TBC1D22A: variants seen among roughly 807,000 people sequenced by gnomAD.
TBC1D22A encodes TBC1 domain family member 22A.
A neutral mutation model predicts 60.2 loss-of-function variants in TBC1D22A; 38 were observed. The observed-to-expected ratio is 0.63, with a 90% CI of 0.49 to 0.83. The LOEUF (loss-of-function observed/expected upper bound fraction) is 0.83, where lower values mean the gene tolerates loss of function less well. TBC1D22A is among the 40% of genes least tolerant of loss of function. The pLI is 0.00. For synonymous variants in TBC1D22A, 302 were observed against 281.7 expected (o/e 1.07, Z -0.72); for missense variants, 628 against 701.0 (o/e 0.90, Z 1.18).
At chr22:47,086,123 G>A (rs2064672692) in intron 11 of TBC1D22A, among the ~76,000 whole-genome samples, 1 of 152,188 alleles carries the variant, frequency 6.6e-6, no homozygotes, top group South Asian at 2.1e-4. Context: ...GCTCTTCTGG[G>A]AGCGCTGTGG....
chr22:46,815,113 G>A (rs2085538929), intron 4 of TBC1D22A, among the ~76,000 whole-genome samples: 1 of 152,338 alleles, frequency 6.6e-6, no homozygotes, highest in East Asian at 1.9e-4. Flanking sequence ...GGGTGTTTAA[G>A]TTGTTTCCAG....
chr22:46,980,790 T>A (rs2074484912), intron 9 of TBC1D22A, among the ~76,000 whole-genome samples: 1 of 152,136 alleles, frequency 6.6e-6, no homozygotes, highest in South Asian at 2.1e-4. Flanking sequence ...CTAATAAATC[T>A]CCAGAAAGAT....
chr22:47,066,453 A>G (rs900061483), intron 11 of TBC1D22A, among the ~76,000 whole-genome samples: 1 of 152,160 alleles, frequency 6.6e-6, no homozygotes, highest in African/African-American at 2.4e-5. Flanking sequence ...CCAAGGGTGC[A>G]CAGTATATCA....
chr22:46,913,253 T>G (rs1176051584), intron 8 of TBC1D22A: 3 of 1,096,322 alleles, frequency 2.7e-6, no homozygotes, highest in Non-Finnish European at 3.7e-6. Context: ...AGTCACAGCA[T>G]TTTAATTTAA....
intron 4 of TBC1D22A, among the ~76,000 whole-genome samples, chr22:46,826,756 A>C (rs776730078): frequency 1.3e-5 from 2 of 152,122 alleles, no homozygotes; most frequent in Non-Finnish European, 2.9e-5. Flanking sequence ...TGAGGACATG[A>C]GTTTCAGAGG....
chr22:46,909,411 T>TG (rs2069737388), intron 7 of TBC1D22A, among the ~76,000 whole-genome samples: 2 of 152,048 alleles, frequency 1.3e-5, no homozygotes, highest in Admixed American at 1.3e-4. Flanking sequence ...TGCGTGCTCC[T>TG]GGGGCGCTGC....
chr22:46,966,928 C>G (rs565929458), intron 8 of TBC1D22A, among the ~76,000 whole-genome samples: 6 of 152,248 alleles, frequency 3.9e-5, no homozygotes, highest in Non-Finnish European at 8.8e-5. Context: ...TGTGTCGGTT[C>G]TCATCATTTG....
At chr22:46,984,717 A>G (rs1009440028) in intron 9 of TBC1D22A, among the ~76,000 whole-genome samples, 1 of 152,208 alleles carries the variant, frequency 6.6e-6, no homozygotes, top group Non-Finnish European at 1.5e-5. Context: ...TAATAGGAAT[A>G]TTGGGGAAAG....
At chr22:47,157,438 G>A (rs542516694) in intron 12 of TBC1D22A, among the ~76,000 whole-genome samples, 2 of 152,332 alleles carry the variant, frequency 1.3e-5, no homozygotes, top group Admixed American at 6.5e-5. Context: ...GTGTGTGCAC[G>A]TGTCCGTCTA....
In TBC1D22A at chr22:46,882,524, G is replaced by A. The variant is rs368156802; in HGVS notation, c.708+3801G>A. 1.5e-3 allele frequency among the ~76,000 whole-genome samples: 221 copies of A among 152,320 alleles called. 2 individuals are homozygous for A. Among genetic ancestry groups the A allele is most frequent in the South Asian group, 2.9e-3 (14 of 4,830 alleles). ...AAAGTTATGCGCTATGCCCGCCACT[G>A]CAGGCAGCACACACCTGGGCTGAGG... On this transcript the variant is annotated intron_variant, in intron 5 of 12. Transcript: ENST00000337137.
intron 10 of TBC1D22A, among the ~76,000 whole-genome samples, chr22:47,006,067 C>T (rs888671034): frequency 1.3e-5 from 2 of 152,180 alleles, no homozygotes; most frequent in Non-Finnish European, 2.9e-5. Flanking sequence ...TATTTAGACA[C>T]ACCCACTTTA....
rs1376231963 is a variant in TBC1D22A at position 47,009,527 on chromosome 22, C to T, written c.1201+11818C>T. ...TCACCACCATCATCTTCACCATCAC[C>T]ATCATCATCATTGCCATCATCACCA... On this transcript the variant is annotated intron_variant, in intron 10 of 12. Transcript: ENST00000337137. This position sits in a 1 kb window ranked among gnomAD's most constrained non-coding sequence, Gnocchi z 5.8. Among the ~76,000 whole-genome samples the T allele has an allele frequency of 6.6e-6, 1 of 151,744 alleles. No individual in the cohort carries two copies. The highest frequency in any genetic ancestry group is 1.5e-5 in the Non-Finnish European group (1 of 67,916).
chr22:46,918,653 AG>A (rs1275435952), intron 8 of TBC1D22A, among the ~76,000 whole-genome samples: 1 of 152,196 alleles, frequency 6.6e-6, no homozygotes, highest in African/African-American at 2.4e-5. Flanking sequence ...AATTGGTCAA[AG>A]CATTTGATAG....
chr22:46,792,946 C>T, intron 2 of TBC1D22A: 1 of 1,181,320 alleles, frequency 8.5e-7, no homozygotes, highest in Non-Finnish European at 1.1e-6. Flanking sequence ...CCTGGCCTGT[C>T]CTGGCCCCTC....
intron 4 of TBC1D22A, among the ~76,000 whole-genome samples, chr22:46,811,041 C>A (rs2085355325): frequency 6.6e-6 from 1 of 152,192 alleles, no homozygotes; most frequent in Admixed American, 6.5e-5. Flanking sequence ...CGGCTGTCAT[C>A]CAGGACAGCC....
At chr22:46,853,203 C>G (rs764606922) in intron 4 of TBC1D22A, among the ~76,000 whole-genome samples, 1 of 152,158 alleles carries the variant, frequency 6.6e-6, no homozygotes, top group Non-Finnish European at 1.5e-5. Flanking sequence ...GGCTCTGCCT[C>G]CCCTCGTCCA....
chr22:46,869,817 GA>G (rs2067222831), intron 4 of TBC1D22A, among the ~76,000 whole-genome samples: 1 of 152,092 alleles, frequency 6.6e-6, no homozygotes, highest in African/African-American at 2.4e-5. Context: ...TGAATCTTAA[GA>G]AAAAAAGACG....
chr22:46,878,586 A>C (rs1190336055), intron 4 of TBC1D22A, 67 bp from the exon 5 acceptor site: 4 of 1,387,654 alleles, frequency 2.9e-6, no homozygotes, highest in Non-Finnish European at 4.1e-6. Flanking sequence ...GAATGTGTTA[A>C]AGCACTGGGG....
intron 1 of TBC1D22A, among the ~76,000 whole-genome samples, chr22:46,774,976 C>T (rs772558630): frequency 3.3e-5 from 5 of 152,220 alleles, no homozygotes; most frequent in Non-Finnish European, 5.9e-5. Context: ...AATGGGCCTT[C>T]TTTTATCAAA....
Sources: gnomAD v4.1 joint callset for allele counts (sites outside exome capture counted in the v4.1 genomes callset) on GRCh38, gnomAD v4.1.1 for gene constraint, Gnocchi (gnomAD v3.1) non-coding constraint, MANE v1.5 for transcripts, NCBI Gene and HGNC (gene_info 2026-07-23, HGNC 2026-07-21) for gene names.